Variants in ASTN2 observed in about 807,000 individuals in gnomAD.
ASTN2 encodes astrotactin-2.
A neutral mutation model predicts 139.8 loss-of-function variants in ASTN2; 54 were observed. That is an observed-to-expected ratio of 0.39 (90% CI 0.31 to 0.48). ASTN2 has a LOEUF of 0.48. Ranked by LOEUF, ASTN2 falls within the 20% of genes least tolerant of loss-of-function variation. The pLI is 0.95. For missense variants in ASTN2, 1,565 were observed against 1,725.1 expected, an observed-to-expected ratio of 0.91 and a Z score of 1.64; for synonymous variants, 756 against 719.5, an observed-to-expected ratio of 1.05 and a Z score of -0.81.
intron 13 of ASTN2, among the ~76,000 whole-genome samples, chr9:116,760,525 G>A (rs1360781218): frequency 6.6e-6 from 1 of 152,230 alleles, no homozygotes; most frequent in Admixed American, 6.5e-5. Flanking sequence ...ATTCAGACCT[G>A]ACTGTGACTT....
intron 19 of ASTN2, among the ~76,000 whole-genome samples, chr9:116,572,571 G>A (rs911095091): frequency 6.6e-6 from 1 of 152,198 alleles, no homozygotes; most frequent in Non-Finnish European, 1.5e-5. Context: ...TTAAGCAGAT[G>A]GTGAGGAAGG....
intron 7 of ASTN2, among the ~76,000 whole-genome samples, chr9:117,004,642 G>A (rs1837303894): frequency 6.6e-6 from 1 of 152,150 alleles, no homozygotes; most frequent in South Asian, 2.1e-4. Flanking sequence ...ACTACACTGA[G>A]CACTGAGACC....
chr9:116,702,448 C>T (rs1268253580), intron 16 of ASTN2, among the ~76,000 whole-genome samples: 1 of 152,098 alleles, frequency 6.6e-6, no homozygotes, highest in African/African-American at 2.4e-5. Context: ...TCATCTCTTC[C>T]TTTCTACTGT....
chr9:116,907,407 T>A (rs532017336), intron 10 of ASTN2, among the ~76,000 whole-genome samples: 1 of 152,254 alleles, frequency 6.6e-6, no homozygotes, highest in African/African-American at 2.4e-5. Flanking sequence ...CAGGGAAGTG[T>A]CCGAGGCAGG....
chr9:116,895,640 T>A (rs1162727780), intron 10 of ASTN2, among the ~76,000 whole-genome samples: 1 of 152,194 alleles, frequency 6.6e-6, no homozygotes, highest in Non-Finnish European at 1.5e-5. Flanking sequence ...TTCTCCTATA[T>A]TCAACAGGAC....
chr9:117,334,193 T>C (rs1265823042), intron 1 of ASTN2, among the ~76,000 whole-genome samples: 2 of 152,182 alleles, frequency 1.3e-5, no homozygotes, highest in African/African-American at 4.8e-5. Context: ...AGAGTCATCA[T>C]TTGCTGTCTC....
chr9:116,768,452 C>T (rs1169606602), intron 13 of ASTN2, among the ~76,000 whole-genome samples: 2 of 152,186 alleles, frequency 1.3e-5, no homozygotes, highest in South Asian at 2.1e-4. Context: ...GACCCGTCCT[C>T]CATCACTGGC....
intron 6 of ASTN2, among the ~76,000 whole-genome samples, chr9:117,022,643 T>G (rs1837918620): frequency 6.6e-6 from 1 of 152,128 alleles, no homozygotes; most frequent in South Asian, 2.1e-4. Context: ...TGTCATCCAC[T>G]GTCCTGAAAT....
intron 16 of ASTN2, chr9:116,700,961 G>A (rs1311582020): frequency 6.0e-6 from 1 of 167,000 alleles, no homozygotes; most frequent in Non-Finnish European, 1.5e-5. Flanking sequence ...CATCCCCCAA[G>A]GTTTAGAGTC....
In ASTN2 at chr9:117,314,052, G is replaced by T. The variant is rs1429976024; in HGVS notation, c.443-22539C>A. Among the ~76,000 whole-genome samples, 6 of 152,158 alleles carry T rather than the reference G, an allele frequency of 3.9e-5. No homozygotes were observed. In the East Asian group the frequency reaches 9.7e-4, roughly 24 times the overall value. ...AACTAACAGGCAGAAGCTTTTAACA[G>T]ATTTCTAATGCACTGCTAGATGATT... is the stretch of plus-strand genomic sequence containing the variant. On this transcript the variant is annotated intron_variant, in intron 1 of 22. Transcript: ENST00000313400.
chr9:116,637,655 G>A (rs1857137068), intron 17 of ASTN2, among the ~76,000 whole-genome samples: 2 of 152,106 alleles, frequency 1.3e-5, no homozygotes, highest in African/African-American at 4.8e-5. Context: ...ATATAAAGAA[G>A]GGGCTGGGTA....
intron 19 of ASTN2, among the ~76,000 whole-genome samples, chr9:116,513,900 T>G (rs951208581): frequency 6.6e-6 from 1 of 152,010 alleles, no homozygotes; most frequent in Non-Finnish European, 1.5e-5. Context: ...TAGCCATTCT[T>G]CTAATCTTTT....
intron 1 of ASTN2, among the ~76,000 whole-genome samples, chr9:117,326,154 T>G (rs954474640): frequency 6.6e-6 from 1 of 152,100 alleles, no homozygotes; most frequent in Non-Finnish European, 1.5e-5. Flanking sequence ...TTTTCTCACT[T>G]TGGAAACTTC....
At chr9:117,282,447 G>T (rs566674876) in intron 2 of ASTN2, among the ~76,000 whole-genome samples, 1 of 152,168 alleles carries the variant, frequency 6.6e-6, no homozygotes, top group South Asian at 2.1e-4. Flanking sequence ...CTTTATCATT[G>T]GCCCACACTA....
At chr9:116,881,657 C>A (rs1833452315) in intron 10 of ASTN2, among the ~76,000 whole-genome samples, 8 of 152,196 alleles carry the variant, frequency 5.3e-5, no homozygotes, top group African/African-American at 1.2e-4. Flanking sequence ...TGGCCACTGC[C>A]TTTGCATGGT....
In ASTN2 at chr9:116,909,847, G is replaced by C. The variant is rs187350237; in HGVS notation, c.1890-46114C>G. 3.5e-3 allele frequency among the ~76,000 whole-genome samples: 534 copies of C among 152,332 alleles called. 3 individuals are homozygous for C. Among genetic ancestry groups the C allele is most frequent in the Non-Finnish European group, 4.5e-3 (303 of 68,032 alleles). ...TATGAGAGAAAGCATTCAGCAAATG[G>C]AAACTGAGAATTGGTCATTGGATTT... is the stretch of plus-strand genomic sequence containing the variant. On this transcript the variant is annotated intron_variant, in intron 10 of 22. Coordinates refer to ENST00000313400, the MANE Select transcript of ASTN2 (RefSeq NM_001365068.1).
intron 19 of ASTN2, among the ~76,000 whole-genome samples, chr9:116,604,266 C>A (rs1855070996): frequency 6.6e-6 from 1 of 152,080 alleles, no homozygotes; most frequent in Admixed American, 6.6e-5. Flanking sequence ...GGCTGGGTGG[C>A]ATGGGGGAAT....
At position 116,425,411 on chromosome 9, in the gene ASTN2, GAGGTCAAAACTGTCTCCTCTAGGGGTC is replaced by G; in HGVS notation, c.*413_*439del. ...TCAGAGCTTCCTTCCTGGTGCTGAA[GAGGTCAAAACTGTCTCCTCTAGGGGTC>G]AGGTCAAAACTGTCCCTCCATAGGT... On this transcript the variant is annotated 3_prime_UTR_variant, in exon 23 of 23. Transcript: ENST00000313400. The G allele has an allele frequency of 1.5e-6, 1 of 686,584 alleles. No individual in the cohort carries two copies. The highest frequency in any genetic ancestry group is 2.6e-6 in the Non-Finnish European group (1 of 392,108). 42.5% of individuals were successfully genotyped at this position (686,584 alleles called of 1,614,324 possible).
In ASTN2 at chr9:116,825,910, G is replaced by A. The variant is rs140889286; in HGVS notation, c.2041-5127C>T. Among the ~76,000 whole-genome samples, 1,279 of 152,312 alleles carry A rather than the reference G, an allele frequency of 8.4e-3. 27 individuals are homozygous for A. The highest frequency in any genetic ancestry group is 0.029 in the African/African-American group (1,203 of 41,570). On this transcript the variant is annotated intron_variant, in intron 11 of 22. Transcript: ENST00000313400. ...AAAATACTGGGGATCTACAGATATG[G>A]CTGCTGCTGCCCTGTTCTAAAGAGG...
Sources: gnomAD v4.1 joint callset for allele counts (sites outside exome capture counted in the v4.1 genomes callset) on GRCh38, gnomAD v4.1.1 for gene constraint, MANE v1.5 for transcripts, NCBI Gene and HGNC (gene_info 2026-07-23, HGNC 2026-07-21) for gene names.